PTPRD: variants seen among roughly 807,000 people sequenced by gnomAD.
PTPRD encodes the protein protein tyrosine phosphatase receptor type D, also known as receptor-type tyrosine-protein phosphatase delta.
PTPRD carries 34 observed loss-of-function variants against 214.5 expected under a neutral mutation model. The observed-to-expected ratio is 0.16, with a 90% CI of 0.12 to 0.21. The LOEUF is 0.21. Among genes scored for constraint, PTPRD ranks in the 10% least tolerant of loss-of-function variants. The probability of loss-of-function intolerance (pLI) is 1.00; values close to 1 mark genes in which losing one functional copy is unlikely to be tolerated. For missense variants in PTPRD, 2,545 were observed against 2,398.7 expected (o/e 1.06, Z -1.27); for synonymous variants, 1,128 against 845.7 (o/e 1.33, Z -5.79).
In PTPRD at chr9:9,835,994, C is replaced by T. The variant is rs568850231; in HGVS notation, c.-367-69143G>A. Among the ~76,000 whole-genome samples, 4 of 152,224 alleles carry T rather than the reference C, an allele frequency of 2.6e-5. No homozygotes were observed. In the South Asian group the frequency reaches 8.3e-4, roughly 32 times the overall value. On this transcript the variant is annotated intron_variant, in intron 5 of 45. Coordinates refer to ENST00000381196, the MANE Select transcript of PTPRD (RefSeq NM_002839.4). ...TACACTATCAGTTTTCTTTGAAAGACTATAAAAAGAGGCTAATTCTTCTAG... is the reference window on the plus strand; with the variant it reads ...TACACTATCAGTTTTCTTTGAAAGATTATAAAAAGAGGCTAATTCTTCTAG...
intron 3 of PTPRD, among the ~76,000 whole-genome samples, chr9:10,053,184 G>C (rs1156457838): frequency 1.3e-5 from 2 of 152,248 alleles, no homozygotes; most frequent in East Asian, 3.9e-4. Context: ...ATGCTTAAAA[G>C]GATGATTTAT....
intron 11 of PTPRD, among the ~76,000 whole-genome samples, chr9:8,910,103 A>G (rs964233290): frequency 2.0e-5 from 3 of 151,910 alleles, no homozygotes; most frequent in African/African-American, 7.3e-5. Context: ...CAGTGGCTCA[A>G]TCTCGGCTCA....
intron 12 of PTPRD, among the ~76,000 whole-genome samples, chr9:8,653,635 C>G (rs756833307): frequency 1.3e-5 from 2 of 152,018 alleles, no homozygotes; most frequent in African/African-American, 4.8e-5. Context: ...CTCAACTATA[C>G]CCCTCTGTCA....
chr9:9,882,473 G>A (rs1167186243), intron 5 of PTPRD, among the ~76,000 whole-genome samples: 2 of 152,006 alleles, frequency 1.3e-5, no homozygotes, highest in African/African-American at 4.8e-5. Context: ...AGGATGAAGG[G>A]TACTGATATA....
intron 8 of PTPRD, among the ~76,000 whole-genome samples, chr9:9,508,679 G>T (rs1440744030): frequency 1.3e-5 from 2 of 151,408 alleles, no homozygotes; most frequent in Admixed American, 1.3e-4. Context: ...GCCTCAAAAG[G>T]TATTATATGT....
chr9:8,522,927 G>A (rs890317708), intron 19 of PTPRD, among the ~76,000 whole-genome samples: 4 of 152,136 alleles, frequency 2.6e-5, no homozygotes, highest in Admixed American at 6.6e-5. Flanking sequence ...CTTTTTGGCT[G>A]CTCTTAAGGT....
intron 11 of PTPRD, among the ~76,000 whole-genome samples, chr9:8,825,591 G>C (rs913967714): frequency 1.3e-5 from 2 of 152,156 alleles, no homozygotes; most frequent in African/African-American, 2.4e-5. Flanking sequence ...TTAAAAGAGA[G>C]GGTTCTTGGA....
chr9:9,511,640 A>G (rs1002020552), intron 8 of PTPRD, among the ~76,000 whole-genome samples: 2 of 151,814 alleles, frequency 1.3e-5, no homozygotes, highest in Non-Finnish European at 2.9e-5. Context: ...TTAATTCAGT[A>G]TGACTTGAGT....
chr9:9,989,420 G>A (rs1038305784), intron 4 of PTPRD, among the ~76,000 whole-genome samples: 47 of 152,200 alleles, frequency 3.1e-4, no homozygotes, highest in African/African-American at 1.1e-3. Flanking sequence ...GAGAAGAGAA[G>A]AAGCAGCTGG....
At chr9:8,735,825 T>A (rs2090168165) in intron 11 of PTPRD, among the ~76,000 whole-genome samples, 1 of 147,382 alleles carries the variant, frequency 6.8e-6, no homozygotes, top group African/African-American at 2.5e-5. Flanking sequence ...GGCAGGAGAA[T>A]CACTTGAACC....
intron 7 of PTPRD, among the ~76,000 whole-genome samples, chr9:9,697,137 G>A (rs1378756293): frequency 6.6e-6 from 1 of 152,020 alleles, no homozygotes; most frequent in African/African-American, 2.4e-5. Context: ...TATAGTGCCT[G>A]TCTCTTAAGT....
chr9:10,041,994 T>C (rs960827356), intron 3 of PTPRD, among the ~76,000 whole-genome samples: 1 of 152,060 alleles, frequency 6.6e-6, no homozygotes, highest in Non-Finnish European at 1.5e-5. Flanking sequence ...TCTGCAGTAC[T>C]ACACAATCGT....
rs532043640 is a variant in PTPRD at position 10,356,976 on chromosome 9, C to T, written c.-599-15959G>A. ...GATTACAAGTGTGAGCCACCACGCC[C>T]GGCCCATAAGAACAGTTTTAAAAAG... On this transcript the variant is annotated intron_variant, in intron 2 of 45. Coordinates refer to ENST00000381196, the MANE Select transcript of PTPRD (RefSeq NM_002839.4). Among the ~76,000 whole-genome samples, 8 of 152,112 alleles carry T rather than the reference C, an allele frequency of 5.3e-5. No homozygotes were observed. In the South Asian group the frequency reaches 1.2e-3, roughly 24 times the overall value.
intron 9 of PTPRD, among the ~76,000 whole-genome samples, chr9:9,269,240 T>C (rs1046438852): frequency 6.6e-6 from 1 of 151,292 alleles, no homozygotes; most frequent in South Asian, 2.1e-4. Flanking sequence ...AAATGGTTAA[T>C]AGGCATATGA....
In PTPRD at chr9:9,356,879, T is replaced by C. The variant is rs1488911241; in HGVS notation, c.-203+40570A>G. Among the ~76,000 whole-genome samples, 13 of 151,406 alleles carry C rather than the reference T, an allele frequency of 8.6e-5. No individual in the cohort carries two copies. The Admixed American group carries it at 8.6e-4, about 10-fold the overall frequency. ...TTTCTGCTTTGTATAAGAGATAAGATATAAAGCTGGCAACTTGCTACCAGT... is the reference window on the plus strand; with the variant it reads ...TTTCTGCTTTGTATAAGAGATAAGACATAAAGCTGGCAACTTGCTACCAGT... On this transcript the variant is annotated intron_variant, in intron 9 of 45. Transcript: ENST00000381196.
intron 3 of PTPRD, among the ~76,000 whole-genome samples, chr9:10,098,634 AAC>A (rs1240776287): frequency 2.0e-5 from 3 of 151,798 alleles, no homozygotes; most frequent in Admixed American, 6.6e-5. Context: ...AAAAGAGCAG[AAC>A]ACAGTTTTGT....
At chr9:8,854,987 T>A (rs1473312735) in intron 11 of PTPRD, among the ~76,000 whole-genome samples, 1 of 152,154 alleles carries the variant, frequency 6.6e-6, no homozygotes, top group Non-Finnish European at 1.5e-5. Context: ...TTTTTCACAC[T>A]CTATATGGAA....
In PTPRD at chr9:8,762,857, C is replaced by T. The variant is rs191206146; in HGVS notation, c.-103-28911G>A. Among the ~76,000 whole-genome samples the T allele has an allele frequency of 1.3e-4, 20 of 152,260 alleles. No homozygotes were observed. In the East Asian group the frequency reaches 2.7e-3, roughly 21 times the overall value. On this transcript the variant is annotated intron_variant, in intron 11 of 45. Coordinates refer to ENST00000381196, the MANE Select transcript of PTPRD (RefSeq NM_002839.4). ...CTTCCCCCAAAAGCTTGCCTCCCAGCGGTGAGAAAAAGCACAGAATGCCTT... is the reference window on the plus strand; with the variant it reads ...CTTCCCCCAAAAGCTTGCCTCCCAGTGGTGAGAAAAAGCACAGAATGCCTT...
chr9:9,856,600 G>A (rs2061597972), intron 5 of PTPRD, among the ~76,000 whole-genome samples: 1 of 144,924 alleles, frequency 6.9e-6, no homozygotes, highest in Non-Finnish European at 1.5e-5. Context: ...AGCAATCAGA[G>A]AGGAAATGAA....
Sources: allele counts gnomAD v4.1 joint callset (sites outside exome capture counted in the v4.1 genomes callset), GRCh38; gene constraint gnomAD v4.1.1; transcripts MANE v1.5; gene names NCBI Gene and HGNC (gene_info 2026-07-23, HGNC 2026-07-21).